Variants in PCDH15 observed in about 807,000 individuals in gnomAD.
PCDH15 encodes protocadherin related 15.
A neutral mutation model predicts 178.5 loss-of-function variants in PCDH15; 129 were observed. The observed-to-expected ratio is 0.72, with a 90% confidence interval of 0.63 to 0.84. PCDH15 has a LOEUF of 0.84. Ranked by LOEUF, PCDH15 falls within the 40% of genes least tolerant of loss-of-function variation. PCDH15 has a pLI of 0.00. For missense variants in PCDH15, 2,230 were observed against 2,099.9 expected, an observed-to-expected ratio of 1.06 and a Z score of -1.21; for synonymous variants, 800 against 732.0, an observed-to-expected ratio of 1.09 and a Z score of -1.50.
intron 2 of PCDH15, among the ~76,000 whole-genome samples, chr10:55,467,040 C>A (rs1483734760): frequency 1.3e-5 from 2 of 152,174 alleles, no homozygotes; most frequent in African/African-American, 4.8e-5. Flanking sequence ...TTGTTTTGCT[C>A]AAGTTTAGTT....
At chr10:54,249,879 T>C (rs1325658306) in intron 8 of PCDH15, among the ~76,000 whole-genome samples, 1 of 152,150 alleles carries the variant, frequency 6.6e-6, no homozygotes, top group East Asian at 1.9e-4. Context: ...TAAAACTAGA[T>C]TGAAAAACTA....
At chr10:54,600,180 C>A in intron 2 of PCDH15, 1 of 649,054 alleles carries the variant, frequency 1.5e-6, no homozygotes. Flanking sequence ...AGGAGGCAGT[C>A]ACCATTACCA....
chr10:55,510,047 G>T (rs1272742183), intron 2 of PCDH15, among the ~76,000 whole-genome samples: 2 of 151,962 alleles, frequency 1.3e-5, no homozygotes, highest in East Asian at 3.9e-4. Flanking sequence ...TATGACTTTT[G>T]CTTCTCATAA....
Position 53,822,300 on chromosome 10 carries a change from G to A in PCDH15, c.4368-2070C>T, listed in dbSNP as rs1233775002. 3.1e-6 allele frequency: 5 copies of A among 1,611,440 alleles called. 1 individual carries two copies. The African/African-American group carries it at 6.7e-5, about 22-fold the overall frequency. The stretch of plus-strand genomic sequence containing the variant: ...AGGAGTTGGAAATGGAGGTAGAAGA[G>A]GTGGTGTTGGGGGACCAGACGTTGA... On this transcript the variant is annotated intron_variant, in intron 32 of 37. Coordinates refer to ENST00000644397, the MANE Select transcript of PCDH15 (RefSeq NM_001384140.1).
chr10:54,499,809 G>T (rs1402713320), intron 3 of PCDH15, among the ~76,000 whole-genome samples: 2 of 152,156 alleles, frequency 1.3e-5, no homozygotes, highest in East Asian at 3.9e-4. Context: ...CAGAAGTAAA[G>T]AAATAACCAA....
chr10:54,990,243 T>A (rs1463446504), intron 2 of PCDH15, among the ~76,000 whole-genome samples: 1 of 152,206 alleles, frequency 6.6e-6, no homozygotes, highest in East Asian at 1.9e-4. Context: ...AGTAAATATA[T>A]CTGTGTAACT....
chr10:55,301,022 T>C (rs1277429754), intron 1 of PCDH15, among the ~76,000 whole-genome samples: 1 of 152,154 alleles, frequency 6.6e-6, no homozygotes, highest in Non-Finnish European at 1.5e-5. Context: ...ATCTGTGTGG[T>C]TTCTAGATTT....
At chr10:54,472,476 A>G (rs111326527) in intron 3 of PCDH15, among the ~76,000 whole-genome samples, 52 of 152,318 alleles carry the variant, frequency 3.4e-4, no homozygotes, top group African/African-American at 1.2e-3. Context: ...GGCACTAGCC[A>G]AAAGCCACTG....
intron 2 of PCDH15, among the ~76,000 whole-genome samples, chr10:55,610,780 G>A (rs1365347172): frequency 6.6e-6 from 1 of 151,984 alleles, no homozygotes; most frequent in East Asian, 1.9e-4. Context: ...AAAGATCTGA[G>A]TGTTTATGGG....
chr10:55,491,252 G>T (rs544822782), intron 2 of PCDH15, among the ~76,000 whole-genome samples: 1 of 151,832 alleles, frequency 6.6e-6, no homozygotes, highest in Admixed American at 6.6e-5. Flanking sequence ...ACCCTGGGTA[G>T]GATAGAGTGC....
chr10:54,698,562 C>A (rs1256685081), intron 1 of PCDH15, among the ~76,000 whole-genome samples: 7 of 152,114 alleles, frequency 4.6e-5, no homozygotes, highest in Non-Finnish European at 7.4e-5. Flanking sequence ...AGATCTGCAG[C>A]TGTGCTGCCT....
At chr10:55,150,121 G>A (rs1838666315) in intron 2 of PCDH15, among the ~76,000 whole-genome samples, 1 of 151,810 alleles carries the variant, frequency 6.6e-6, no homozygotes, top group Admixed American at 6.6e-5. Context: ...GAGAAGAGAA[G>A]AGGAGAGAAG....
intron 2 of PCDH15, among the ~76,000 whole-genome samples, chr10:54,990,097 C>G (rs1294979431): frequency 6.6e-6 from 1 of 152,194 alleles, no homozygotes; most frequent in South Asian, 2.1e-4. Context: ...CTCCATTAAA[C>G]CTCGTTCCTT....
At chr10:54,009,069 G>T (rs1187744060) in intron 20 of PCDH15, among the ~76,000 whole-genome samples, 2 of 151,938 alleles carry the variant, frequency 1.3e-5, no homozygotes, top group Non-Finnish European at 2.9e-5. Flanking sequence ...ATTTTGTCTT[G>T]TCCCTTGATC....
At chr10:53,823,687 C>G in intron 32 of PCDH15, 1 of 472,962 alleles carries the variant, frequency 2.1e-6, no homozygotes, top group South Asian at 1.6e-5. Context: ...CGTAACAGTT[C>G]CCTTATGCAC....
chr10:53,822,842 A>AGTT, intron 32 of PCDH15: 1 of 1,614,076 alleles, frequency 6.2e-7, no homozygotes, highest in South Asian at 1.1e-5. Context: ...TTGCCTCTTC[A>AGTT]GTTGTAAGCA....
intron 23 of PCDH15, 125 bp downstream of exon 23, chr10:53,959,607 T>A (rs1418437296): frequency 1.4e-6 from 1 of 690,558 alleles, no homozygotes; most frequent in East Asian, 2.7e-5. Context: ...TTTATGTTAA[T>A]TTAGAAACGC....
intron 3 of PCDH15, among the ~76,000 whole-genome samples, chr10:54,402,764 T>G (rs1380251564): frequency 6.6e-6 from 1 of 152,000 alleles, no homozygotes; most frequent in Admixed American, 6.6e-5. Context: ...TGAAATGTTT[T>G]GTGTGTTCTG....
chr10:53,899,164 C>A (rs2082161589), intron 26 of PCDH15, among the ~76,000 whole-genome samples: 1 of 147,536 alleles, frequency 6.8e-6, no homozygotes. Context: ...GTCTAGTTTA[C>A]TAGAATGTGG....
Sources: allele counts gnomAD v4.1 joint callset (sites outside exome capture counted in the v4.1 genomes callset), GRCh38; gene constraint gnomAD v4.1.1; transcripts MANE v1.5; gene names NCBI Gene and HGNC (gene_info 2026-07-23, HGNC 2026-07-21).